The following OPRM1 variants were observed in gnomAD, a reference collection of about 807,000 sequenced individuals.
OPRM1 encodes the protein mu-type opioid receptor.
Under a neutral mutation model 31.8 loss-of-function variants are expected in OPRM1, and 27 were observed. The observed-to-expected ratio is 0.85, with a 90% CI of 0.63 to 1.17. The LOEUF is 1.17. Among genes scored for constraint, OPRM1 ranks in the 50% most tolerant of loss-of-function variants. The probability of loss-of-function intolerance (pLI) is 0.00; values close to 1 mark genes in which losing one functional copy is unlikely to be tolerated. For synonymous variants in OPRM1, 196 were observed against 189.9 expected, an observed-to-expected ratio of 1.03 and a Z score of -0.26; for missense variants, 536 against 511.1, an observed-to-expected ratio of 1.05 and a Z score of -0.47.
chr6:154,210,810 A>G (rs1777896223), intron 3 of OPRM1, among the ~76,000 whole-genome samples: 1 of 152,208 alleles, frequency 6.6e-6, no homozygotes, highest in African/African-American at 2.4e-5. Flanking sequence ...AATTTTGGCT[A>G]ATCATATTTA....
intron 1 of OPRM1, among the ~76,000 whole-genome samples, chr6:154,075,452 CT>C (rs113939480): frequency 0.15 from 20,790 of 139,598 alleles, 1,434 homozygotes; most frequent in Non-Finnish European, 0.17. Flanking sequence ...AAAATAAGCA[CT>C]TTTTTTTTTT....
chr6:154,179,375 A>G lies in OPRM1; in HGVS notation c.1165-67318A>G, dbSNP rs369433430. On this transcript the variant is annotated intron_variant, in intron 3 of 3. Coordinates refer to the OPRM1 transcript ENST00000337049. ...ATATATTTTTCTAAATTAGAATTTC[A>G]TAGTAGAAAACACTACATTATTTCT... Among the ~76,000 whole-genome samples the G allele has an allele frequency of 2.0e-4, 30 of 152,336 alleles. 1 individual carries two copies. In the East Asian group the frequency reaches 4.6e-3, roughly 23 times the overall value.
upstream of OPRM1, among the ~76,000 whole-genome samples, chr6:154,036,092 TA>T (rs2128390497): frequency 6.6e-6 from 1 of 152,134 alleles, no homozygotes; most frequent in South Asian, 2.1e-4. Context: ...AATGAACAAT[TA>T]TGGAGGAAAC....
chr6:154,187,377 G>A (rs887646309), intron 3 of OPRM1, among the ~76,000 whole-genome samples: 16 of 152,104 alleles, frequency 1.1e-4, no homozygotes, highest in African/African-American at 3.9e-4. Context: ...TCCCCTCAGT[G>A]TTAGCTCTGT....
At chr6:154,028,829 G>A (rs1481920334) in intron 1 of OPRM1, among the ~76,000 whole-genome samples, 1 of 152,194 alleles carries the variant, frequency 6.6e-6, no homozygotes, top group Admixed American at 6.5e-5. Context: ...CCACTGCTGG[G>A]GAATGGAGGA....
At chr6:154,042,221 C>T (rs1431182846) in intron 1 of OPRM1, among the ~76,000 whole-genome samples, 2 of 152,148 alleles carry the variant, frequency 1.3e-5, no homozygotes, top group Admixed American at 1.3e-4. Flanking sequence ...AAGTTAGTGA[C>T]AGATGAAGCG....
intron 3 of OPRM1, among the ~76,000 whole-genome samples, chr6:154,162,592 T>C (rs1477459121): frequency 1.3e-5 from 2 of 152,232 alleles, no homozygotes; most frequent in Non-Finnish European, 2.9e-5. Flanking sequence ...TGATTTTTCT[T>C]GTACCACAAT....
At chr6:154,181,737 G>T (rs532276055) in intron 3 of OPRM1, among the ~76,000 whole-genome samples, 4 of 152,280 alleles carry the variant, frequency 2.6e-5, no homozygotes, top group African/African-American at 9.6e-5. Context: ...CGCAGGGCAC[G>T]AGACCTGAGA....
At chr6:154,193,945 A>C (rs1481428699) in intron 3 of OPRM1, among the ~76,000 whole-genome samples, 1 of 137,620 alleles carries the variant, frequency 7.3e-6, no homozygotes, top group Non-Finnish European at 1.6e-5. Context: ...GATGTCCAAC[A>C]TAACAGACTT....
At chr6:154,171,296 C>T (rs138613502) in intron 3 of OPRM1, among the ~76,000 whole-genome samples, 1,743 of 152,126 alleles carry the variant, frequency 0.011, 14 homozygotes, top group Non-Finnish European at 0.018. Flanking sequence ...AAAATAAATA[C>T]TCAGTTGTCC....
chr6:154,221,014 G>A (rs557042770), intron 3 of OPRM1, among the ~76,000 whole-genome samples: 1 of 152,128 alleles, frequency 6.6e-6, no homozygotes, highest in South Asian at 2.1e-4. Context: ...AATGACTTCT[G>A]TCCACTCCTT....
rs533585778 is a variant in OPRM1, at chr6:154,226,571, T to C, written c.1165-20122T>C. On this transcript the variant is annotated intron_variant, in intron 3 of 3. Transcript: ENST00000337049. The stretch of plus-strand genomic sequence containing the variant: ...TCAGGTCTTCAATCCACCCATTACC[T>C]ACTGCCTCCTTCAACTTACCTTTAA... Among the ~76,000 whole-genome samples the C allele has an allele frequency of 1.7e-3, 258 of 152,280 alleles. 2 individuals carry two copies. The highest frequency in any genetic ancestry group is 5.8e-3 in the African/African-American group (241 of 41,552).
At chr6:154,108,759 C>G (rs1233535484) in intron 3 of OPRM1, 1 of 985,070 alleles carries the variant, frequency 1.0e-6, no homozygotes, top group Non-Finnish European at 1.2e-6. Context: ...GCCTCTAACC[C>G]CGCTTTATAA....
chr6:154,205,545 A>C (rs1777423274), intron 3 of OPRM1, among the ~76,000 whole-genome samples: 1 of 152,242 alleles, frequency 6.6e-6, no homozygotes, highest in South Asian at 2.1e-4. Flanking sequence ...CAGTGAGCCG[A>C]AATCACACCA....
chr6:154,198,787 G>T (rs904837471), intron 3 of OPRM1, among the ~76,000 whole-genome samples: 5 of 152,100 alleles, frequency 3.3e-5, no homozygotes, highest in African/African-American at 9.7e-5. Flanking sequence ...GAGGAGAGGA[G>T]AGAGCAGTCA....
At chr6:154,077,101 A>G (rs1788027813) in intron 1 of OPRM1, among the ~76,000 whole-genome samples, 1 of 152,132 alleles carries the variant, frequency 6.6e-6, no homozygotes. Context: ...TCATGCCAGT[A>G]ATAATCAAGA....
At chr6:154,024,697 G>T (rs185893505) in intron 1 of OPRM1, among the ~76,000 whole-genome samples, 20 of 147,840 alleles carry the variant, frequency 1.4e-4, no homozygotes, top group African/African-American at 5.0e-4. Flanking sequence ...TTCCCTCTTA[G>T]TACTGCTTTG....
At chr6:154,050,758 G>T (rs1293395713) in intron 1 of OPRM1, among the ~76,000 whole-genome samples, 2 of 152,198 alleles carry the variant, frequency 1.3e-5, no homozygotes, top group South Asian at 4.2e-4. Context: ...ATAACATAAA[G>T]AATGTAATTG....
At chr6:154,040,743 C>G (rs771311634) in intron 1 of OPRM1, among the ~76,000 whole-genome samples, 1 of 152,048 alleles carries the variant, frequency 6.6e-6, no homozygotes, top group Non-Finnish European at 1.5e-5. Context: ...GTGTTCTTAT[C>G]AAGTAAAATT....
Sources: allele counts gnomAD v4.1 joint callset (sites outside exome capture counted in the v4.1 genomes callset), GRCh38; gene constraint gnomAD v4.1.1; transcripts MANE v1.5; gene names NCBI Gene and HGNC (gene_info 2026-07-23, HGNC 2026-07-21).